Variants in NAE1 observed in about 807,000 individuals in gnomAD.
NAE1 encodes NEDD8-activating enzyme E1 regulatory subunit.
NAE1 carries 59 observed loss-of-function variants against 88.0 expected under a neutral mutation model. The ratio of observed to expected loss-of-function variants is 0.67; its 90% CI spans 0.54 to 0.83. The LOEUF (loss-of-function observed/expected upper bound fraction) is 0.83. Ranked by LOEUF, NAE1 falls within the 40% of genes least tolerant of loss-of-function variation. The pLI, the probability that NAE1 is intolerant of heterozygous loss-of-function variation, is 0.00. For synonymous variants in NAE1, 186 were observed against 208.9 expected, an observed-to-expected ratio of 0.89 and a Z score of 0.95; for missense variants, 554 against 632.8, an observed-to-expected ratio of 0.88 and a Z score of 1.34.
chr16:66,829,778 C>T (rs1045264069), intron 1 of NAE1, among the ~76,000 whole-genome samples: 3 of 152,242 alleles, frequency 2.0e-5, no homozygotes, highest in African/African-American at 7.2e-5. Context: ...CTTAGGCCTG[C>T]ACTGTCCATT....
chr16:66,830,959 C>T lies in NAE1; in HGVS notation c.-60G>A. 1.4e-6 allele frequency: 2 copies of T among 1,450,032 alleles called. No homozygotes were observed. The highest frequency in any genetic ancestry group is 2.7e-5 in the South Asian group (2 of 75,168). The allele number at this position is 1,450,032 out of a possible 1,614,324, so 89.8% of individuals were successfully genotyped here. On this transcript the variant is annotated 5_prime_UTR_variant, in exon 1 of 20. It adds an upstream start codon to the 5' untranslated region. Transcript: ENST00000290810. ...CTGCGGAGCGCCGCCACCAGCTCCACAAGCGCGCAGGCGCACTGAGCGCCC... is the reference window on the plus strand; with the variant it reads ...CTGCGGAGCGCCGCCACCAGCTCCATAAGCGCGCAGGCGCACTGAGCGCCC...
intron 7 of NAE1, among the ~76,000 whole-genome samples, chr16:66,820,044 C>T (rs1433068040): frequency 1.3e-5 from 2 of 152,190 alleles, no homozygotes. Flanking sequence ...CCACTTTCAA[C>T]TCTTTTGTTC....
At position 66,806,042 on chromosome 16, in the gene NAE1, A is replaced by G; in HGVS notation, c.1331-16T>C. ...TTAGATACTCCTAAAAATAAAAGTT[A>G]GTTTTCATTAAAATAAATGTGATTC... is the stretch of plus-strand genomic sequence containing the variant. On this transcript the variant is annotated splice_polypyrimidine_tract_variant and intron_variant, in intron 17 of 19. Transcript: ENST00000290810. The G allele has an allele frequency of 6.3e-7, 1 of 1,592,088 alleles. No homozygotes were observed. Among genetic ancestry groups the G allele is most frequent in the Non-Finnish European group, 8.5e-7 (1 of 1,172,524 alleles).
Position 66,820,938 on chromosome 16 carries a change from G to A in NAE1, c.511+512C>T, listed in dbSNP as rs191570799. Among the ~76,000 whole-genome samples the A allele has an allele frequency of 4.3e-3, 646 of 151,976 alleles. 13 individuals carry two copies. The highest frequency in any genetic ancestry group is 0.029 in the Admixed American group (438 of 15,262). On this transcript the variant is annotated intron_variant, in intron 7 of 19. Transcript: ENST00000290810. Reference sequence around the variant, plus strand: ...AAAAAAATTAGCTGGGCATGGTGGCGGGTGCCTGTAATCCCAGATACTTGG... The same window carrying A: ...AAAAAAATTAGCTGGGCATGGTGGCAGGTGCCTGTAATCCCAGATACTTGG...
intron 3 of NAE1, among the ~76,000 whole-genome samples, chr16:66,825,930 C>A (rs1260510713): frequency 6.6e-6 from 1 of 152,134 alleles, no homozygotes; most frequent in Admixed American, 6.5e-5. Flanking sequence ...ACTGGCACTA[C>A]GATCCAAAGA....
chr16:66,825,316 G>A lies in NAE1; in HGVS notation c.219-431C>T, dbSNP rs371171233. 3.3e-5 allele frequency among the ~76,000 whole-genome samples: 5 copies of A among 152,016 alleles called. No individual in the cohort carries two copies. The East Asian group carries it at 7.8e-4, about 24-fold the overall frequency. ...CAAAAAATTAGCCGGGCGTGGTGGCGGGCGCCTGTAGTCCCAGCTACTCGG... is the reference window on the plus strand; with the variant it reads ...CAAAAAATTAGCCGGGCGTGGTGGCAGGCGCCTGTAGTCCCAGCTACTCGG... On this transcript the variant is annotated intron_variant, in intron 3 of 19. Transcript: ENST00000290810.
At chr16:66,825,730 T>C (rs1261701443) in intron 3 of NAE1, among the ~76,000 whole-genome samples, 3 of 152,136 alleles carry the variant, frequency 2.0e-5, no homozygotes, top group African/African-American at 7.2e-5. Flanking sequence ...ACACATACCC[T>C]TGACATGTCT....
chr16:66,823,288 C>A lies in NAE1; in HGVS notation c.340G>T (p.Asp114Tyr), dbSNP rs1960340170. ...CTACAGAAAAATGAGGGATCATTGT[C>A]TAGAAGGTTTTCTGGACTCTAAACA... ...FVEESPENLL[D>Y]NDPSFFCRFT... The change falls in exon 6 of 20, where the codon GAC becomes TAC. Residue 114 changes from aspartate to tyrosine, a missense_variant. By Grantham distance (160) the Asp-to-Tyr change is radical. Coordinates refer to ENST00000290810, the MANE Select transcript of NAE1 (RefSeq NM_003905.4). 2 of 1,603,020 alleles carry A rather than the reference C, an allele frequency of 1.2e-6. No individual in the cohort carries two copies. The highest frequency in any genetic ancestry group is 1.7e-6 in the Non-Finnish European group (2 of 1,176,556).
chr16:66,812,511 TTC>T (rs1366008193), intron 13 of NAE1, among the ~76,000 whole-genome samples: 2 of 149,358 alleles, frequency 1.3e-5, no homozygotes, highest in East Asian at 1.9e-4. Flanking sequence ...GCCCCCTAAG[TTC>T]TTTTTTTTTT....
At chr16:66,810,317 T>C (rs1959742736) in intron 15 of NAE1, 57 bp downstream of exon 15, 14 of 1,379,198 alleles carry the variant, frequency 1.0e-5, no homozygotes, top group African/African-American at 1.4e-5. Flanking sequence ...CCTGGGAACA[T>C]TCCCTGTGGC....
intron 13 of NAE1, 25 bp from the exon 14 acceptor site, chr16:66,810,797 C>T: frequency 1.9e-6 from 3 of 1,599,744 alleles, no homozygotes; most frequent in Non-Finnish European, 2.6e-6. Flanking sequence ...AAAGCAATTA[C>T]TAACAAATTT....
intron 19 of NAE1, among the ~76,000 whole-genome samples, chr16:66,804,696 C>T (rs1959491377): frequency 6.6e-6 from 1 of 152,048 alleles, no homozygotes; most frequent in South Asian, 2.1e-4. Flanking sequence ...GAAATCCTAA[C>T]CCCCAGTGTA....
At chr16:66,808,489 ATTATATCT>A (rs1959661685) in intron 17 of NAE1, 24 bp downstream of exon 17, 3 of 1,323,012 alleles carry the variant, frequency 2.3e-6, no homozygotes. Context: ...TGAAGATCTT[ATTATATCT>A]GGTAATTCAA....
Position 66,805,560 on chromosome 16 carries a change from C to T in NAE1, c.1495+217G>A, listed in dbSNP as rs1567486088. ...AGGCGGAGGCGAGAGATCACTTGAG[C>T]CCAGGAGTTTGAGGTTGCAGCGAGC... On this transcript the variant is annotated intron_variant, in intron 19 of 19. Transcript: ENST00000290810. 4 of 394,504 alleles carry T rather than the reference C, an allele frequency of 1.0e-5. No individual in the cohort carries two copies. The South Asian group carries it at 5.6e-4, about 56-fold the overall frequency. The allele number at this position is 394,504 out of a possible 1,614,324, so 24.4% of individuals were successfully genotyped here. A position where few individuals can be genotyped will look rare whatever the true frequency, so the allele number is the denominator to read the frequency against.
intron 13 of NAE1, 142 bp downstream of exon 13, chr16:66,813,422 T>C (rs564875086): frequency 1.6e-4 from 165 of 1,024,736 alleles, no homozygotes; most frequent in South Asian, 2.8e-4. Context: ...ATTACAGGCA[T>C]GAGCCACTGC....
At position 66,813,784 on chromosome 16, in the gene NAE1, T is replaced by TA. The variant is rs1567490964; in HGVS notation, c.900+2dup. 6.2e-7 allele frequency: 1 copy of TA among 1,613,750 alleles called. No individual in the cohort carries two copies. Among genetic ancestry groups the TA allele is most frequent in the Non-Finnish European group, 8.5e-7 (1 of 1,179,788 alleles). On this transcript the variant is annotated splice_region_variant and intron_variant, in intron 12 of 19. Coordinates refer to ENST00000290810, the MANE Select transcript of NAE1 (RefSeq NM_003905.4). ...GCAATGTTTTTACTTTTGTTGTTGT[T>TA]ACCTGTTTGGTGATATTTATGCAGC...
intron 11 of NAE1, among the ~76,000 whole-genome samples, chr16:66,815,691 C>T (rs534718779): frequency 6.9e-6 from 1 of 145,562 alleles, no homozygotes; most frequent in Admixed American, 6.9e-5. Flanking sequence ...GACAGAGTCT[C>T]GCTCTTGTTG....
intron 6 of NAE1, among the ~76,000 whole-genome samples, chr16:66,822,854 G>C (rs1214260266): frequency 6.7e-6 from 1 of 149,596 alleles, no homozygotes; most frequent in Non-Finnish European, 1.5e-5. Context: ...ATTTTTAGTA[G>C]AGATGGGATT....
chr16:66,820,747 A>G lies in NAE1; in HGVS notation c.511+703T>C, dbSNP rs180745595. 3.0e-3 allele frequency among the ~76,000 whole-genome samples: 452 copies of G among 152,176 alleles called. 5 individuals carry two copies. Among genetic ancestry groups the G allele is most frequent in the Admixed American group, 0.025 (383 of 15,296 alleles). On this transcript the variant is annotated intron_variant, in intron 7 of 19. Transcript: ENST00000290810. ...AAACCCCATCTCTACTAAAAATACA[A>G]AAAATTAGCCGGGCACGGTGGCGGG...
Sources: gnomAD v4.1 joint callset for allele counts (sites outside exome capture counted in the v4.1 genomes callset) on GRCh38, gnomAD v4.1.1 for gene constraint, MANE v1.5 for transcripts, NCBI Gene and HGNC (gene_info 2026-07-23, HGNC 2026-07-21) for gene names.